DEPDC1B: variants seen among roughly 807,000 people sequenced by gnomAD.
The protein encoded by DEPDC1B is DEP domain containing 1B.
In DEPDC1B, 51 loss-of-function variants were observed where a neutral mutation model predicts 66.5. The observed-to-expected ratio is 0.77, with a 90% CI of 0.61 to 0.97. The LOEUF is 0.97. Among genes scored for constraint, DEPDC1B ranks in the 50% least tolerant of loss-of-function variants. The pLI is 0.00. For missense variants in DEPDC1B, 552 were observed against 637.1 expected, an observed-to-expected ratio of 0.87 and a Z score of 1.44; for synonymous variants, 226 against 223.6, an observed-to-expected ratio of 1.01 and a Z score of -0.10.
At chr5:60,657,078 A>C (rs1753594596) in intron 2 of DEPDC1B, among the ~76,000 whole-genome samples, 1 of 152,094 alleles carries the variant, frequency 6.6e-6, no homozygotes, top group Non-Finnish European at 1.5e-5. Context: ...TGTTGCTTTA[A>C]AGTCTGTTTT....
intron 1 of DEPDC1B, among the ~76,000 whole-genome samples, chr5:60,690,371 A>G (rs1402546173): frequency 6.6e-6 from 1 of 152,210 alleles, no homozygotes; most frequent in East Asian, 1.9e-4. Flanking sequence ...AAAACACTAT[A>G]TATAATCTGA....
chr5:60,647,553 T>C lies in DEPDC1B; in HGVS notation c.315-20A>G, dbSNP rs371997931. 3.6e-4 allele frequency: 578 copies of C among 1,610,236 alleles called. No individual in the cohort carries two copies. The Middle Eastern group carries it at 3.6e-3, about 10-fold the overall frequency. On this transcript the variant is annotated intron_variant, in intron 2 of 10. Transcript: ENST00000265036. ...GGAAATCTAAAACCCAAGAAGAAAT[T>C]CTCTATTACTGCAGTCAGTGGGAGA... is the stretch of plus-strand genomic sequence containing the variant.
chr5:60,677,328 T>A (rs7711540), intron 2 of DEPDC1B, among the ~76,000 whole-genome samples: 4,695 of 50,166 alleles, frequency 0.094, 89 homozygotes, highest in East Asian at 0.26. Context: ...ACACACACAC[T>A]CTCTCTCTCT....
At chr5:60,625,054 G>A (rs1028062851) in intron 7 of DEPDC1B, among the ~76,000 whole-genome samples, 20 of 152,070 alleles carry the variant, frequency 1.3e-4, no homozygotes, top group Non-Finnish European at 1.9e-4. Context: ...CTTCATCCAT[G>A]TCCCTGCAAA....
intron 7 of DEPDC1B, among the ~76,000 whole-genome samples, chr5:60,629,078 C>T (rs1752865860): frequency 6.6e-6 from 1 of 152,134 alleles, no homozygotes; most frequent in Non-Finnish European, 1.5e-5. Context: ...AAAACAGCTC[C>T]GGTACCTGGC....
At chr5:60,643,319 T>C (rs11952735) in intron 5 of DEPDC1B, among the ~76,000 whole-genome samples, 70,038 of 152,178 alleles carry the variant, frequency 0.46, 17,409 homozygotes, top group East Asian at 0.57. Flanking sequence ...GTTTCCATTT[T>C]CAAAATGCTT....
intron 5 of DEPDC1B, 65 bp downstream of exon 5, chr5:60,644,680 G>A: frequency 7.2e-7 from 1 of 1,388,672 alleles, no homozygotes; most frequent in Non-Finnish European, 9.7e-7. Context: ...TCAGAAAGGA[G>A]CTGATGGACC....
At chr5:60,613,791 TGTG>T (rs1561357892) in intron 7 of DEPDC1B, among the ~76,000 whole-genome samples, 9 of 78,414 alleles carry the variant, frequency 1.1e-4, no homozygotes, top group Non-Finnish European at 1.8e-4. Context: ...TATGTATTTG[TGTG>T]TGTGTGTGTG....
At chr5:60,616,924 C>A (rs1268999733) in intron 7 of DEPDC1B, among the ~76,000 whole-genome samples, 1 of 152,224 alleles carries the variant, frequency 6.6e-6, no homozygotes, top group African/African-American at 2.4e-5. Context: ...GCCCATTAGA[C>A]TAACAGCTGA....
intron 2 of DEPDC1B, among the ~76,000 whole-genome samples, chr5:60,679,525 AC>A (rs1340253848): frequency 2.6e-5 from 4 of 152,212 alleles, no homozygotes; most frequent in African/African-American, 4.8e-5. Flanking sequence ...AGAATGACAC[AC>A]ACAGAGGTAG....
At chr5:60,634,192 A>G (rs1752988357) in intron 7 of DEPDC1B, among the ~76,000 whole-genome samples, 1 of 152,200 alleles carries the variant, frequency 6.6e-6, no homozygotes, top group East Asian at 1.9e-4. Flanking sequence ...AAGGGCCAAG[A>G]AGGAGGAAAC....
At chr5:60,658,319 G>A (rs1216744032) in intron 2 of DEPDC1B, among the ~76,000 whole-genome samples, 1 of 152,124 alleles carries the variant, frequency 6.6e-6, no homozygotes, top group Non-Finnish European at 1.5e-5. Context: ...TTCTTGGTTT[G>A]GATCCGTTGC....
intron 1 of DEPDC1B, among the ~76,000 whole-genome samples, chr5:60,694,106 C>A (rs1164183642): frequency 6.6e-6 from 1 of 152,022 alleles, no homozygotes; most frequent in African/African-American, 2.4e-5. Context: ...AAATTAAATA[C>A]AGAAGTATAC....
chr5:60,644,618 AG>A (rs1385136418), intron 5 of DEPDC1B, 126 bp downstream of exon 5: 15 of 691,778 alleles, frequency 2.2e-5, no homozygotes, highest in African/African-American at 5.6e-5. Flanking sequence ...AAAAGGTATT[AG>A]AAAGAATATA....
chr5:60,618,195 T>C (rs1026762195), intron 7 of DEPDC1B, among the ~76,000 whole-genome samples: 8 of 69,114 alleles, frequency 1.2e-4, no homozygotes, highest in African/African-American at 4.8e-4. Context: ...AGGAAAGATC[T>C]AAAATGACAC....
chr5:60,627,667 A>T (rs2111809273), intron 7 of DEPDC1B, among the ~76,000 whole-genome samples: 2 of 152,260 alleles, frequency 1.3e-5, no homozygotes, highest in South Asian at 4.2e-4. Context: ...TGCTTTCTCT[A>T]ACTACAAATT....
chr5:60,602,778 CCTGAGGAA>C lies in DEPDC1B; in HGVS notation c.1242+605_1242+612del, dbSNP rs1752225954. On this transcript the variant is annotated intron_variant, in intron 9 of 10. Coordinates refer to ENST00000265036, the MANE Select transcript of DEPDC1B (RefSeq NM_018369.3). ...AAAGAAAGAATAGCCCATTTTAACG[CCTGAGGAA>C]AGAAAGTAAAATCCAAAGCGGTTAA... Among the ~76,000 whole-genome samples the C allele has an allele frequency of 2.0e-5, 3 of 152,112 alleles. No homozygotes were observed. The South Asian group carries it at 6.2e-4, about 32-fold the overall frequency.
At chr5:60,657,151 T>C (rs1055292615) in intron 2 of DEPDC1B, among the ~76,000 whole-genome samples, 19 of 152,254 alleles carry the variant, frequency 1.2e-4, no homozygotes, top group African/African-American at 4.6e-4. Context: ...AATATCTTTT[T>C]CTACCCCGTT....
In DEPDC1B at chr5:60,624,486, T is replaced by C. The variant is rs572874184; in HGVS notation, c.898+14264A>G. Among the ~76,000 whole-genome samples the C allele has an allele frequency of 2.8e-4, 43 of 152,356 alleles. No homozygotes were observed. The South Asian group carries it at 8.5e-3, about 30-fold the overall frequency. On this transcript the variant is annotated intron_variant, in intron 7 of 10. Transcript: ENST00000265036. ...ATGTATTTGTTGGTTTTATTACCCA[T>C]GTCAATACTGGCCTCATAAAATGGT...
Sources: allele counts gnomAD v4.1 joint callset (sites outside exome capture counted in the v4.1 genomes callset), GRCh38; gene constraint gnomAD v4.1.1; transcripts MANE v1.5; gene names NCBI Gene and HGNC (gene_info 2026-07-23, HGNC 2026-07-21).